IFNAR1: variants seen among roughly 807,000 people sequenced by gnomAD.
IFNAR1 encodes interferon alpha and beta receptor subunit 1, also known as interferon alpha/beta receptor 1.
IFNAR1 carries 47 observed loss-of-function variants against 62.1 expected under a neutral mutation model. The observed-to-expected ratio is 0.76, with a 90% CI of 0.60 to 0.97. The LOEUF (loss-of-function observed/expected upper bound fraction) is 0.97, where lower values mean the gene tolerates loss of function less well. Among genes scored for constraint, IFNAR1 ranks in the 50% least tolerant of loss-of-function variants. IFNAR1 has a pLI of 0.00. For synonymous variants in IFNAR1, 219 were observed against 226.9 expected (o/e 0.97, Z 0.31); for missense variants, 638 against 654.5 (o/e 0.97, Z 0.27).
At chr21:33,342,688 CAAAAAAAAAAAAAAA>C (rs757422966) in intron 3 of IFNAR1, among the ~76,000 whole-genome samples, 7 of 93,460 alleles carry the variant, frequency 7.5e-5, no homozygotes, top group Admixed American at 4.3e-4. Flanking sequence ...ACTAAAAATA[CAAAAAAAAAAAAAAA>C]AAAACTAGCC....
chr21:33,325,163 G>A (rs771474802), intron 1 of IFNAR1, 32 bp downstream of exon 1: 1 of 1,588,544 alleles, frequency 6.3e-7, no homozygotes, highest in Non-Finnish European at 8.6e-7. Flanking sequence ...CTTGGCGCAG[G>A]GCGGGAGGTA....
At chr21:33,351,054 A>G (rs2083392529) in intron 8 of IFNAR1, among the ~76,000 whole-genome samples, 1 of 152,242 alleles carries the variant, frequency 6.6e-6, no homozygotes. Flanking sequence ...TGTAGTTGCC[A>G]TCTTAACCTA....
chr21:33,354,812 C>T (rs1387624471), intron 10 of IFNAR1, among the ~76,000 whole-genome samples: 2 of 151,962 alleles, frequency 1.3e-5, no homozygotes, highest in East Asian at 1.9e-4. Flanking sequence ...AAAAATGCTC[C>T]GTAAATATTA....
rs758793945 is a variant in IFNAR1 at position 33,340,977 on chromosome 21, A to G, written c.201-22A>G. On this transcript the variant is annotated intron_variant, in intron 2 of 10. Coordinates refer to ENST00000270139, the MANE Select transcript of IFNAR1 (RefSeq NM_000629.3). ...CATTTATACATTTGCTCACTCATTC[A>G]TTTGTTTTTTTTACTTTAAAGAACT... The G allele has an allele frequency of 9.3e-6, 14 of 1,512,752 alleles. No homozygotes were observed. In the South Asian group the frequency reaches 1.6e-4, roughly 17 times the overall value. The allele number at this position is 1,512,752 out of a possible 1,614,324, so 93.7% of individuals were successfully genotyped here. A position where few individuals can be genotyped will look rare whatever the true frequency, so the allele number is the denominator to read the frequency against.
chr21:33,345,253 T>C lies in IFNAR1; in HGVS notation c.681T>C (p.Asn227=), dbSNP rs2083334356. The part of the protein sequence containing the change: ...PVHCIKTTVE[N]ELPPPENIEV... ...CTGTTCTTTGGCTTCTAGTTGAAAA[T>C]GAACTACCTCCACCAGAAAATATAG... is the stretch of plus-strand genomic sequence containing the variant. The change falls in exon 6 of 11, where the codon AAT becomes AAC. Residue 227 remains asparagine (N), a synonymous_variant. Coordinates refer to ENST00000270139, the MANE Select transcript of IFNAR1 (RefSeq NM_000629.3). 1 of 1,544,504 alleles carries C rather than the reference T, an allele frequency of 6.5e-7. No individual in the cohort carries two copies. The highest frequency in any genetic ancestry group is 1.4e-5 in the African/African-American group (1 of 73,356).
chr21:33,352,721 G>T, intron 8 of IFNAR1, 37 bp from the exon 9 acceptor site: 1 of 1,225,552 alleles, frequency 8.2e-7, no homozygotes, highest in South Asian at 1.5e-5. Flanking sequence ...TTCTTGAGGT[G>T]ACTAAATTTT....
intron 10 of IFNAR1, among the ~76,000 whole-genome samples, chr21:33,354,767 G>C (rs1262076456): frequency 6.6e-6 from 1 of 152,108 alleles, no homozygotes; most frequent in Non-Finnish European, 1.5e-5. Context: ...GGTGTTAGGA[G>C]CAAAGGAGTT....
chr21:33,334,539 T>G, intron 1 of IFNAR1: 2 of 456,360 alleles, frequency 4.4e-6, no homozygotes, highest in Non-Finnish European at 8.7e-6. Flanking sequence ...GCTAAGGGAG[T>G]TCATTACCGC....
Position 33,355,596 on chromosome 21 carries a change from A to G in IFNAR1, c.*47A>G. ...TATAAGGTTTTTCAGCAGGAGTTAC[A>G]CTGGGAGCCTGAGGTCCTCACCTTC... is the stretch of plus-strand genomic sequence containing the variant. On this transcript the variant is annotated 3_prime_UTR_variant, in exon 11 of 11. Coordinates refer to ENST00000270139, the MANE Select transcript of IFNAR1 (RefSeq NM_000629.3). 3 of 1,049,430 alleles carry G rather than the reference A, an allele frequency of 2.9e-6. No individual in the cohort carries two copies. In the East Asian group the frequency reaches 7.4e-5, roughly 26 times the overall value. 65.0% of individuals were successfully genotyped at this position (1,049,430 alleles called of 1,614,324 possible).
chr21:33,349,812 G>A (rs952925222), intron 8 of IFNAR1, among the ~76,000 whole-genome samples: 1 of 151,842 alleles, frequency 6.6e-6, no homozygotes, highest in East Asian at 1.9e-4. Flanking sequence ...TATATTCCCA[G>A]CTACTTGGGG....
At chr21:33,342,785 A>C (rs1417571998) in intron 3 of IFNAR1, among the ~76,000 whole-genome samples, 2 of 150,396 alleles carry the variant, frequency 1.3e-5, no homozygotes, top group Non-Finnish European at 3.0e-5. Context: ...TGAACCCGGG[A>C]GGCGGAGCTT....
At chr21:33,336,006 C>T (rs2083230976) in intron 2 of IFNAR1, among the ~76,000 whole-genome samples, 1 of 146,868 alleles carries the variant, frequency 6.8e-6, no homozygotes, top group African/African-American at 2.5e-5. Context: ...ATGTGCCATG[C>T]TGGTGCGCTG....
At chr21:33,338,961 C>T (rs970676871) in intron 2 of IFNAR1, among the ~76,000 whole-genome samples, 5 of 151,966 alleles carry the variant, frequency 3.3e-5, no homozygotes, top group East Asian at 1.9e-4. Flanking sequence ...GGGCTGATCT[C>T]GAACTCCTGA....
chr21:33,335,911 G>C (rs996433524), intron 2 of IFNAR1, among the ~76,000 whole-genome samples: 1 of 128,730 alleles, frequency 7.8e-6, no homozygotes, highest in Non-Finnish European at 1.7e-5. Flanking sequence ...GGGTGTTCCA[G>C]CTTCTTTTTT....
chr21:33,342,023 A>C (rs1276301112), intron 3 of IFNAR1, among the ~76,000 whole-genome samples: 1 of 152,228 alleles, frequency 6.6e-6, no homozygotes, highest in Non-Finnish European at 1.5e-5. Context: ...AATGGATTGA[A>C]AACTTTACCA....
At chr21:33,331,596 C>A (rs2083181868) in intron 1 of IFNAR1, among the ~76,000 whole-genome samples, 1 of 152,102 alleles carries the variant, frequency 6.6e-6, no homozygotes, top group Non-Finnish European at 1.5e-5. Flanking sequence ...TGTTCCCTAC[C>A]CCCCATTCCC....
intron 1 of IFNAR1, among the ~76,000 whole-genome samples, chr21:33,333,785 G>A (rs963225997): frequency 3.3e-5 from 5 of 151,610 alleles, no homozygotes; most frequent in East Asian, 1.9e-4. Context: ...TACCACGCCC[G>A]GCTAATTTTT....
Position 33,346,698 on chromosome 21 carries a change from G to A in IFNAR1, c.788+1338G>A, listed in dbSNP as rs538167998. On this transcript the variant is annotated intron_variant, in intron 6 of 10. Coordinates refer to ENST00000270139, the MANE Select transcript of IFNAR1 (RefSeq NM_000629.3). Reference sequence around the variant, plus strand: ...GAAAGCAGTTAGCCAACATTGCAAAGTGTTGTGTGGTTTAGGACTAAAGAG... The same window carrying A: ...GAAAGCAGTTAGCCAACATTGCAAAATGTTGTGTGGTTTAGGACTAAAGAG... Among the ~76,000 whole-genome samples, 323 of 152,348 alleles carry A rather than the reference G, an allele frequency of 2.1e-3. 1 individual carries two copies. The highest frequency in any genetic ancestry group is 7.3e-3 in the African/African-American group (303 of 41,576).
intron 8 of IFNAR1, 30 bp from the exon 9 acceptor site, chr21:33,352,728 T>C: frequency 7.6e-7 from 1 of 1,313,056 alleles, no homozygotes; most frequent in Non-Finnish European, 1.1e-6. Flanking sequence ...GGTGACTAAA[T>C]TTTATCAGTG....
Sources: allele counts gnomAD v4.1 joint callset (sites outside exome capture counted in the v4.1 genomes callset), GRCh38; gene constraint gnomAD v4.1.1; transcripts MANE v1.5; gene names NCBI Gene and HGNC (gene_info 2026-07-23, HGNC 2026-07-21).